The following SHOC1 variants were observed in gnomAD, a reference collection of about 807,000 sequenced individuals.
The protein encoded by SHOC1 is shortage in chiasmata 1, also known as protein shortage in chiasmata 1 ortholog.
In SHOC1, 136 loss-of-function variants were observed where a neutral mutation model predicts 179.2. That is an observed-to-expected ratio of 0.76 (90% confidence interval 0.66 to 0.87). The LOEUF (loss-of-function observed/expected upper bound fraction) is 0.87, where lower values mean the gene tolerates loss of function less well. Ranked by LOEUF, SHOC1 falls within the 40% of genes least tolerant of loss-of-function variation. The pLI is 0.00. For missense variants in SHOC1, 1,538 were observed against 1,700.8 expected (o/e 0.90, Z 1.68); for synonymous variants, 489 against 586.6 (o/e 0.83, Z 2.41).
At chr9:111,777,543 C>T (rs531135022) in intron 4 of SHOC1, among the ~76,000 whole-genome samples, 2 of 152,294 alleles carry the variant, frequency 1.3e-5, no homozygotes, top group East Asian at 3.9e-4. Flanking sequence ...TTTGCGAAGG[C>T]GGTTTCAACT....
chr9:111,694,012 A>C, intron 25 of SHOC1, 64 bp from the exon 26 acceptor site: 5 of 1,346,786 alleles, frequency 3.7e-6, no homozygotes, highest in Non-Finnish European at 5.2e-6. Flanking sequence ...TTTATTCTAC[A>C]AGTAAGTACA....
At chr9:111,714,413 A>T (rs1404722138) in intron 17 of SHOC1, 32 bp downstream of exon 17, 19 of 1,604,616 alleles carry the variant, frequency 1.2e-5, no homozygotes, top group Middle Eastern at 1.7e-4. Flanking sequence ...ACTTAAACTG[A>T]TTATTTTACC....
At chr9:111,710,509 A>C (rs1832493942) in intron 18 of SHOC1, among the ~76,000 whole-genome samples, 1 of 152,186 alleles carries the variant, frequency 6.6e-6, no homozygotes, top group Non-Finnish European at 1.5e-5. Context: ...TTTGTTTAAT[A>C]AACTTTTATC....
At chr9:111,687,019 C>G in intron 27 of SHOC1, 149 bp from the exon 28 acceptor site, 1 of 415,130 alleles carries the variant, frequency 2.4e-6, no homozygotes, top group Non-Finnish European at 4.2e-6. Context: ...AATCTCGGCT[C>G]ACTTGCAACA....
chr9:111,773,532 G>A (rs1293780130), intron 5 of SHOC1, among the ~76,000 whole-genome samples: 4 of 152,018 alleles, frequency 2.6e-5, no homozygotes, highest in East Asian at 3.9e-4. Context: ...GGCTGGTTTC[G>A]AACGCCTGAC....
chr9:111,729,412 G>A (rs944099603), intron 12 of SHOC1, among the ~76,000 whole-genome samples: 1 of 152,316 alleles, frequency 6.6e-6, no homozygotes, highest in South Asian at 2.1e-4. Context: ...CGGCTAGGGG[G>A]TCTTGTCTCA....
In SHOC1 at chr9:111,705,281, TAAG is replaced by T. The variant is rs1832207991; in HGVS notation, c.2818_2820del (p.Leu940del). ...AGCAGCTGAAGTATGTCTGGAGTAT[TAAG>T]AAGTCCTTCAGATGCAAAAAACACA... On this transcript the variant is annotated inframe_deletion, in exon 21 of 28. Coordinates refer to ENST00000682961, the MANE Select transcript of SHOC1 (RefSeq NM_001378211.1). 1 of 1,583,784 alleles carries T rather than the reference TAAG, an allele frequency of 6.3e-7. No homozygotes were observed. Among genetic ancestry groups the T allele is most frequent in the Admixed American group, 1.8e-5 (1 of 55,602 alleles).
intron 5 of SHOC1, among the ~76,000 whole-genome samples, chr9:111,760,851 C>T (rs1835103657): frequency 6.6e-6 from 1 of 151,294 alleles, no homozygotes; most frequent in African/African-American, 2.4e-5. Flanking sequence ...GATCCCATTA[C>T]CATTTCAAGA....
chr9:111,752,299 T>TA (rs1223929928), intron 8 of SHOC1, among the ~76,000 whole-genome samples: 2 of 152,266 alleles, frequency 1.3e-5, no homozygotes, highest in East Asian at 3.9e-4. Context: ...AAACTCTGCT[T>TA]AAAAAATCTC....
chr9:111,708,020 C>A, intron 18 of SHOC1, 96 bp from the exon 19 acceptor site: 2 of 639,678 alleles, frequency 3.1e-6, no homozygotes, highest in South Asian at 2.7e-5. Context: ...AATTAAAAAT[C>A]TGTGAATAAC....
At chr9:111,719,466 A>G (rs536258852) in intron 15 of SHOC1, among the ~76,000 whole-genome samples, 1 of 152,280 alleles carries the variant, frequency 6.6e-6, no homozygotes, top group South Asian at 2.1e-4. Context: ...CATTCTGCTC[A>G]ATGATGTTCA....
In SHOC1 at chr9:111,706,470, C is replaced by T. The variant is rs1832278630; in HGVS notation, c.2737+98G>A. The stretch of plus-strand genomic sequence containing the variant: ...GGGTTAGAGGTTGAACTCAAGGCTT[C>T]TAATGTCACAGCTTATTTTTATCTA... On this transcript the variant is annotated intron_variant, in intron 20 of 27. Transcript: ENST00000682961. 4.4e-6 allele frequency: 4 copies of T among 903,746 alleles called. No individual in the cohort carries two copies. The East Asian group carries it at 1.2e-4, about 27-fold the overall frequency. 56.0% of individuals were successfully genotyped at this position (903,746 alleles called of 1,614,324 possible).
At chr9:111,778,037 G>T (rs1319543906) in intron 4 of SHOC1, among the ~76,000 whole-genome samples, 1 of 152,074 alleles carries the variant, frequency 6.6e-6, no homozygotes, top group Non-Finnish European at 1.5e-5. Flanking sequence ...TGCTGACAGG[G>T]TCAGCACTCT....
rs187252860 is a variant in SHOC1 at position 111,758,507 on chromosome 9, T to C, written c.596+188A>G. Among the ~76,000 whole-genome samples the C allele has an allele frequency of 2.4e-3, 367 of 152,326 alleles. 1 individual carries two copies. The highest frequency in any genetic ancestry group is 8.0e-3 in the African/African-American group (332 of 41,576). ...GCAAGGCTGAGGCAGGAGAATCGCA[T>C]GTGCCCAGGAGGCGGAGGTTGCAGT... is the stretch of plus-strand genomic sequence containing the variant. On this transcript the variant is annotated intron_variant, in intron 6 of 27. Transcript: ENST00000682961.
chr9:111,722,402 T>C lies in SHOC1; in HGVS notation c.2131+7A>G, dbSNP rs1337581. 0.79 allele frequency: 1,245,890 copies of C among 1,577,390 alleles called. 493,416 individuals are homozygous for C. Among genetic ancestry groups the C allele is most frequent in the East Asian group, 0.93 (41,261 of 44,288 alleles). On this transcript the variant is annotated splice_region_variant and intron_variant, in intron 15 of 27. Coordinates refer to ENST00000682961, the MANE Select transcript of SHOC1 (RefSeq NM_001378211.1). ...TTTTAAATAACGTGACTTTTATTTG[T>C]ACTCACCTTGGCGAACAGCATCACT...
At chr9:111,720,853 A>T (rs1833009886) in intron 15 of SHOC1, among the ~76,000 whole-genome samples, 1 of 152,242 alleles carries the variant, frequency 6.6e-6, no homozygotes, top group Non-Finnish European at 1.5e-5. Flanking sequence ...AGTAATAAGA[A>T]GTGTCAGCGT....
At chr9:111,746,398 G>A (rs1834286664) in intron 9 of SHOC1, 56 bp from the exon 10 acceptor site, 4 of 1,131,080 alleles carry the variant, frequency 3.5e-6, no homozygotes, top group Non-Finnish European at 2.6e-6. Context: ...AAGTAGGCTA[G>A]GCGTGGTGGC....
chr9:111,772,776 C>A (rs1835670984), intron 5 of SHOC1, among the ~76,000 whole-genome samples: 1 of 152,158 alleles, frequency 6.6e-6, no homozygotes, highest in Non-Finnish European at 1.5e-5. Flanking sequence ...TGATTTGGCT[C>A]CTTTGCCTGA....
intron 15 of SHOC1, among the ~76,000 whole-genome samples, chr9:111,721,028 C>T (rs1833021893): frequency 1.3e-5 from 2 of 152,086 alleles, no homozygotes; most frequent in African/African-American, 2.4e-5. Context: ...CATATCAATC[C>T]TCTTGTGCTT....
Sources: allele counts gnomAD v4.1 joint callset (sites outside exome capture counted in the v4.1 genomes callset), GRCh38; gene constraint gnomAD v4.1.1; transcripts MANE v1.5; gene names NCBI Gene and HGNC (gene_info 2026-07-23, HGNC 2026-07-21).